SLC44A1: variants seen among roughly 807,000 people sequenced by gnomAD.
The protein encoded by SLC44A1 is solute carrier family 44 member 1, also known as choline transporter-like protein 1.
SLC44A1 carries 26 observed loss-of-function variants against 79.3 expected under a neutral mutation model. The observed-to-expected ratio is 0.33, with a 90% CI of 0.24 to 0.46. The LOEUF (loss-of-function observed/expected upper bound fraction) is 0.46. SLC44A1 is among the 20% of genes least tolerant of loss of function. SLC44A1 has a pLI of 1.00. For missense variants in SLC44A1, 688 were observed against 798.1 expected, an observed-to-expected ratio of 0.86 and a Z score of 1.66; for synonymous variants, 263 against 286.2, an observed-to-expected ratio of 0.92 and a Z score of 0.82.
intron 1 of SLC44A1, among the ~76,000 whole-genome samples, chr9:105,266,615 A>G (rs900828558): frequency 1.3e-5 from 2 of 152,210 alleles, no homozygotes; most frequent in East Asian, 1.9e-4. Flanking sequence ...TATCAACCAT[A>G]TATGTGTGGA....
chr9:105,328,739 A>T (rs76011382), intron 3 of SLC44A1, among the ~76,000 whole-genome samples: 2,214 of 152,236 alleles, frequency 0.015, 59 homozygotes, highest in African/African-American at 0.05. Flanking sequence ...TGCTGTTTAG[A>T]ATTCAATTGT....
rs545146621 is a variant in SLC44A1 at position 105,390,110 on chromosome 9, G to A, written c.*1054G>A. The A allele has an allele frequency of 4.8e-6, 6 of 1,251,412 alleles. No individual in the cohort carries two copies. In the Admixed American group the frequency reaches 1.2e-4, roughly 26 times the overall value. The allele number at this position is 1,251,412 out of a possible 1,614,324, so 77.5% of individuals were successfully genotyped here. A position where few individuals can be genotyped will look rare whatever the true frequency, so the allele number is the denominator to read the frequency against. Reference sequence around the variant, plus strand: ...ATTCATTGAGTATCCAGAGTTCTACGATGTTTAACTGAAGAATTGGCTAAT... The same window carrying A: ...ATTCATTGAGTATCCAGAGTTCTACAATGTTTAACTGAAGAATTGGCTAAT... On this transcript the variant is annotated 3_prime_UTR_variant, in exon 16 of 16. Transcript: ENST00000374720.
At chr9:105,434,016 A>T (rs1384014129) in intron 15 of SLC44A1, among the ~76,000 whole-genome samples, 2 of 152,218 alleles carry the variant, frequency 1.3e-5, no homozygotes, top group African/African-American at 4.8e-5. Flanking sequence ...CTAAACTCAG[A>T]TAATAGAGAG....
At chr9:105,292,801 G>A (rs1227000409) in intron 1 of SLC44A1, among the ~76,000 whole-genome samples, 1 of 152,074 alleles carries the variant, frequency 6.6e-6, no homozygotes, top group African/African-American at 2.4e-5. Context: ...TAGAGCTCTG[G>A]GGCTGTCTTA....
chr9:105,295,407 G>T (rs1830698270), intron 1 of SLC44A1, among the ~76,000 whole-genome samples: 1 of 152,072 alleles, frequency 6.6e-6, no homozygotes, highest in Middle Eastern at 3.2e-3. Context: ...CTGAGAAAGG[G>T]GTAAAATCAC....
chr9:105,287,754 A>G (rs1260461964), intron 1 of SLC44A1, among the ~76,000 whole-genome samples: 2 of 152,136 alleles, frequency 1.3e-5, no homozygotes, highest in African/African-American at 4.8e-5. Context: ...TTCCCTCTCC[A>G]TACCTGTTTA....
chr9:105,245,799 G>T (rs167867), intron 1 of SLC44A1, among the ~76,000 whole-genome samples: 1 of 152,072 alleles, frequency 6.6e-6, no homozygotes, highest in Non-Finnish European at 1.5e-5. Flanking sequence ...TCCTTCTCTC[G>T]GATCCGAGCC....
At chr9:105,330,040 T>C (rs1826702046) in intron 3 of SLC44A1, among the ~76,000 whole-genome samples, 1 of 152,214 alleles carries the variant, frequency 6.6e-6, no homozygotes, top group Non-Finnish European at 1.5e-5. Flanking sequence ...CTATATTTTA[T>C]GAATTTGGTA....
intron 1 of SLC44A1, among the ~76,000 whole-genome samples, chr9:105,267,065 C>T (rs1297387439): frequency 1.3e-5 from 2 of 152,088 alleles, no homozygotes; most frequent in African/African-American, 2.4e-5. Context: ...CCTTCAGTAG[C>T]TTACTGAGAA....
intron 6 of SLC44A1, 126 bp from the exon 7 acceptor site, chr9:105,358,218 A>G (rs1388139667): frequency 1.0e-5 from 6 of 590,368 alleles, no homozygotes; most frequent in South Asian, 2.4e-5. Flanking sequence ...TTCCTTCCTT[A>G]TCTAAATTGT....
chr9:105,374,792 C>T (rs1165233348), intron 13 of SLC44A1, 57 bp downstream of exon 13: 1 of 1,395,602 alleles, frequency 7.2e-7, no homozygotes, highest in East Asian at 2.3e-5. Flanking sequence ...TATTTATTTG[C>T]TCTTTTATTT....
intron 12 of SLC44A1, among the ~76,000 whole-genome samples, chr9:105,371,126 T>C (rs1302308089): frequency 6.6e-6 from 1 of 152,200 alleles, no homozygotes; most frequent in African/African-American, 2.4e-5. Context: ...TGCTGAAAGA[T>C]TGGAAGTTGT....
chr9:105,354,302 G>A (rs1827552635), intron 5 of SLC44A1, among the ~76,000 whole-genome samples: 1 of 151,544 alleles, frequency 6.6e-6, no homozygotes, highest in Admixed American at 6.6e-5. Context: ...CGCCCGCCTC[G>A]GCCTCCCAAA....
chr9:105,320,648 A>T (rs1826364529), intron 3 of SLC44A1, among the ~76,000 whole-genome samples: 1 of 148,876 alleles, frequency 6.7e-6, no homozygotes, highest in South Asian at 2.1e-4. Flanking sequence ...ATTTATTGGC[A>T]TGATTATAGC....
In SLC44A1 at chr9:105,420,910, CTGTTG is replaced by C. The variant is rs754185515; in HGVS notation, c.1951-17365_1951-17361del. ...AAAAAGGATGGTCTAGATAGACGTG[CTGTTG>C]TGTTGCTTTGATGTCCTACTGAGTT... On this transcript the variant is annotated intron_variant, in intron 15 of 15. Transcript: ENST00000374724. Among the ~76,000 whole-genome samples, 13 of 143,686 alleles carry C rather than the reference CTGTTG, an allele frequency of 9.0e-5. No homozygotes were observed. In the East Asian group the frequency reaches 1.9e-3, roughly 21 times the overall value. 94.3% of individuals were successfully genotyped at this position (143,686 alleles called of 152,430 possible). A position where few individuals can be genotyped will look rare whatever the true frequency, so the allele number is the denominator to read the frequency against.
chr9:105,410,652 A>G (rs898124441), intron 15 of SLC44A1, among the ~76,000 whole-genome samples: 1 of 152,208 alleles, frequency 6.6e-6, no homozygotes, highest in Non-Finnish European at 1.5e-5. Flanking sequence ...CAGTTTCTCG[A>G]TAAGTTAAAC....
intron 15 of SLC44A1, among the ~76,000 whole-genome samples, chr9:105,429,153 C>T (rs1829360033): frequency 6.6e-6 from 1 of 152,230 alleles, no homozygotes; most frequent in South Asian, 2.1e-4. Flanking sequence ...GTCTCACTCA[C>T]AGGTAAGTGA....
chr9:105,364,757 C>T, intron 10 of SLC44A1, 37 bp downstream of exon 10: 1 of 1,562,922 alleles, frequency 6.4e-7, no homozygotes, highest in Non-Finnish European at 8.7e-7. Context: ...TCGAGTTCAT[C>T]TAAGGGATGG....
At chr9:105,340,108 A>G (rs938190618) in intron 4 of SLC44A1, among the ~76,000 whole-genome samples, 10 of 152,236 alleles carry the variant, frequency 6.6e-5, no homozygotes, top group South Asian at 2.1e-4. Flanking sequence ...AGTTCTAAAA[A>G]TCTGTTGTAC....
Sources: gnomAD v4.1 joint callset for allele counts (sites outside exome capture counted in the v4.1 genomes callset) on GRCh38, gnomAD v4.1.1 for gene constraint, MANE v1.5 for transcripts, NCBI Gene and HGNC (gene_info 2026-07-23, HGNC 2026-07-21) for gene names.